Variants in FN1 observed in about 807,000 individuals in gnomAD.
FN1 encodes fibronectin.
In FN1, 106 loss-of-function variants were observed where a neutral mutation model predicts 297.3. The observed-to-expected ratio is 0.36, with a 90% confidence interval of 0.30 to 0.42. FN1 has a LOEUF of 0.42. FN1 is among the 10% of genes least tolerant of loss of function. The probability of loss-of-function intolerance (pLI) is 1.00; values close to 1 mark genes in which losing one functional copy is unlikely to be tolerated. For missense variants in FN1, 2,690 were observed against 3,124.9 expected, an observed-to-expected ratio of 0.86 and a Z score of 3.32; for synonymous variants, 1,149 against 1,152.6, an observed-to-expected ratio of 1.00 and a Z score of 0.06.
intron 38 of FN1, among the ~76,000 whole-genome samples, chr2:215,374,571 AT>A (rs1420595083): frequency 2.6e-5 from 4 of 152,206 alleles, no homozygotes; most frequent in Non-Finnish European, 5.9e-5. Context: ...TCCTTCCACC[AT>A]GATTGTACAT....
chr2:215,423,456 G>T lies in FN1; in HGVS notation c.1287C>A (p.His429Gln). ...LCHFPFLYNN[H>Q]NYTDCTSEGR... ...CCTCAGAAGTGCAATCAGTGTAATT[G>T]TGGTTGTTGTATAGGAAGGGGAAGT... The change falls in exon 9 of 46, where the codon CAC (histidine) becomes CAA (glutamine). Residue 429 changes from histidine to glutamine, a missense_variant. His to Gln is a conservative substitution (Grantham distance 24, BLOSUM62 0). This residue lies in a region of FN1 where 876 missense variants were observed against 1,058.1 expected (regional missense o/e 0.83). Coordinates refer to ENST00000354785, the MANE Select transcript of FN1 (RefSeq NM_212482.4). 1 of 1,614,184 alleles carries T rather than the reference G, an allele frequency of 6.2e-7. No individual in the cohort carries two copies. Among genetic ancestry groups the T allele is most frequent in the Non-Finnish European group, 8.5e-7 (1 of 1,180,026 alleles).
chr2:215,362,400 T>G (rs2053642000), intron 44 of FN1: 1 of 353,734 alleles, frequency 2.8e-6, no homozygotes. Context: ...CTGCACTAGA[T>G]GATAGAAAAG....
At chr2:215,420,628 C>T (rs372805733) in intron 11 of FN1, 45 bp downstream of exon 11, 3 of 1,612,618 alleles carry the variant, frequency 1.9e-6, no homozygotes, top group Middle Eastern at 1.7e-4. Context: ...AACTTGCTAA[C>T]CATTCCCCCT....
intron 38 of FN1, 133 bp from the exon 39 acceptor site, chr2:215,373,544 T>G: frequency 1.4e-6 from 1 of 733,336 alleles, no homozygotes; most frequent in Non-Finnish European, 2.5e-6. Flanking sequence ...GAAGGTAAAA[T>G]CGACTTCACT....
chr2:215,397,663 GAAAA>G lies in FN1; in HGVS notation c.3517+13_3517+16del. On this transcript the variant is annotated intron_variant, in intron 22 of 45. Transcript: ENST00000354785. ...CAGTTTTAAAAACTAATAGAAAAGGGAAAAAATTCTTCTTACGTGTCACCACTTT... is the reference window on the plus strand; with the variant it reads ...CAGTTTTAAAAACTAATAGAAAAGGGAATTCTTCTTACGTGTCACCACTTT... 1 of 1,612,356 alleles carries G rather than the reference GAAAA, an allele frequency of 6.2e-7. No individual in the cohort carries two copies. Among genetic ancestry groups the G allele is most frequent in the South Asian group, 1.1e-5 (1 of 91,004 alleles).
chr2:215,401,431 G>A (rs1302216700), intron 20 of FN1, among the ~76,000 whole-genome samples: 1 of 152,142 alleles, frequency 6.6e-6, no homozygotes, highest in Admixed American at 6.5e-5. Flanking sequence ...TATAAATGTA[G>A]AAAGGTAAGA....
chr2:215,381,554 A>G (rs925332700), intron 32 of FN1: 2 of 231,250 alleles, frequency 8.6e-6, no homozygotes, highest in Non-Finnish European at 1.7e-5. Flanking sequence ...GCTCACTGCA[A>G]CTTCTGCCTC....
At chr2:215,370,540 CAAAA>C in intron 40 of FN1, 108 bp from the exon 41 acceptor site, 1 of 303,004 alleles carries the variant, frequency 3.3e-6, no homozygotes, top group Non-Finnish European at 5.2e-6. Context: ...CAAAGGAAGA[CAAAA>C]AACAAAAAAC....
Position 215,380,828 on chromosome 2 carries a change from A to T in FN1, c.5417T>A (p.Ile1806Asn), listed in dbSNP as rs777785776. 1.2e-6 allele frequency: 2 copies of T among 1,613,280 alleles called. No individual in the cohort carries two copies. The highest frequency in any genetic ancestry group is 4.5e-5 in the East Asian group (2 of 44,872). Residue 1806 changes from isoleucine to asparagine, a missense_variant, in exon 33 of 46, where the codon ATT (isoleucine) becomes AAT (asparagine). Coordinates refer to ENST00000354785, the MANE Select transcript of FN1 (RefSeq NM_212482.4). ...CCATATACCTGTGGACTGGGTTCCA[A>T]TCAGGGGCTGGCTCTCCATATCATC... ...LHDDMESQPL[I>N]GTQSTAIPAP...
chr2:215,430,918 A>G (rs2106516455), intron 4 of FN1, 66 bp from the exon 5 acceptor site: 2 of 1,575,040 alleles, frequency 1.3e-6, no homozygotes, highest in East Asian at 2.3e-5. Context: ...GCTCCCTGTA[A>G]TTTAAAGTGT....
intron 20 of FN1, among the ~76,000 whole-genome samples, chr2:215,400,975 T>C (rs771710558): frequency 3.5e-4 from 53 of 150,412 alleles, no homozygotes; most frequent in Non-Finnish European, 6.9e-4. Flanking sequence ...TTTGTATTTT[T>C]AGTAAAGATG....
chr2:215,428,425 CTG>C lies in FN1; in HGVS notation c.686-89_686-88del, dbSNP rs755919428. ...CTTAAAAAAGGAATGCTATCTATGC[CTG>C]GTAATCTATTTTTGGTAATATGTTC... is the stretch of plus-strand genomic sequence containing the variant. On this transcript the variant is annotated intron_variant, in intron 5 of 45. Coordinates refer to ENST00000354785, the MANE Select transcript of FN1 (RefSeq NM_212482.4). The C allele has an allele frequency of 6.0e-5, 69 of 1,158,162 alleles. 1 individual carries two copies. The Middle Eastern group carries it at 8.2e-4, about 14-fold the overall frequency. The allele number at this position is 1,158,162 out of a possible 1,614,324, so 71.7% of individuals were successfully genotyped here.
Position 215,436,040 on chromosome 2 carries a change from T to C in FN1, c.-238A>G. The C allele has an allele frequency of 8.6e-6, 7 of 817,720 alleles. No homozygotes were observed. Among genetic ancestry groups the C allele is most frequent in the Non-Finnish European group, 1.3e-5 (7 of 553,932 alleles). 50.7% of individuals were successfully genotyped at this position (817,720 alleles called of 1,614,324 possible). On this transcript the variant is annotated 5_prime_UTR_variant, in exon 1 of 46. Coordinates refer to ENST00000354785, the MANE Select transcript of FN1 (RefSeq NM_212482.4). ...CGCTCGCGCCTGGGGTTCCCTCTCC[T>C]CCCCCTGTGCAGCACAGCCGGCGCG...
chr2:215,393,009 C>T lies in FN1; in HGVS notation c.3991G>A (p.Gly1331Ser), dbSNP rs753610151. The T allele has an allele frequency of 6.2e-7, 1 of 1,613,898 alleles. No individual in the cohort carries two copies. Residue 1331 changes from glycine to serine, a missense_variant, in exon 25 of 46, where the codon GGC becomes AGC. Gly to Ser is a moderately conservative substitution (Grantham distance 56). This residue lies in a region of FN1 where 1,743 missense variants were observed against 1,945.2 expected (regional missense o/e 0.90). Transcript: ENST00000354785. ...GYYTVTGLEP[G>S]IDYDISVITL... ...ATAACGCTGATATCATAGTCAATGC[C>T]CGGCTCCAGCCCTGTGACTGTGTAG... is the stretch of plus-strand genomic sequence containing the variant.
chr2:215,368,090 A>G, intron 41 of FN1, 63 bp from the exon 42 acceptor site: 2 of 1,530,220 alleles, frequency 1.3e-6, no homozygotes, highest in Non-Finnish European at 1.8e-6. Context: ...GACCATAAGA[A>G]GAAAATCGAA....
At chr2:215,418,856 T>A (rs1055492682) in intron 12 of FN1, among the ~76,000 whole-genome samples, 1 of 152,342 alleles carries the variant, frequency 6.6e-6, no homozygotes, top group East Asian at 1.9e-4. Context: ...TTTCATGCCA[T>A]CTCTCTATGC....
At chr2:215,371,827 TA>T in intron 40 of FN1, 81 bp downstream of exon 40, 1 of 1,285,780 alleles carries the variant, frequency 7.8e-7, no homozygotes, top group Non-Finnish European at 1.1e-6. Flanking sequence ...AGCCACTTTT[TA>T]TTCGAGGGCT....
chr2:215,380,718 A>G, intron 33 of FN1, 93 bp downstream of exon 33: 2 of 1,400,432 alleles, frequency 1.4e-6, no homozygotes, highest in Non-Finnish European at 1.0e-6. Context: ...TCACCCTTAC[A>G]CGGGAATCAA....
At chr2:215,428,648 C>G (rs2065926062) in intron 5 of FN1, among the ~76,000 whole-genome samples, 1 of 152,118 alleles carries the variant, frequency 6.6e-6, no homozygotes, top group East Asian at 1.9e-4. Flanking sequence ...TCATCTTTTT[C>G]CTTCTCAGGC....
Sources: allele counts gnomAD v4.1 joint callset (sites outside exome capture counted in the v4.1 genomes callset), GRCh38; gene constraint gnomAD v4.1.1; regional missense constraint gnomAD v4.1.1; transcripts MANE v1.5; gene names NCBI Gene and HGNC (gene_info 2026-07-23, HGNC 2026-07-21).